Variants in CDKL2 observed in about 807,000 individuals in gnomAD.
The protein encoded by CDKL2 is cyclin dependent kinase like 2.
CDKL2 carries 64 observed loss-of-function variants against 63.9 expected under a neutral mutation model. The observed-to-expected ratio is 1.00, with a 90% CI of 0.82 to 1.23. CDKL2 has a LOEUF of 1.23. Ranked by LOEUF, CDKL2 falls within the 50% of genes most tolerant of loss-of-function variation. The probability of loss-of-function intolerance (pLI) is 0.00; values close to 1 mark genes in which losing one functional copy is unlikely to be tolerated. For missense variants in CDKL2, 656 were observed against 668.0 expected (o/e 0.98, Z 0.20); for synonymous variants, 211 against 229.2 (o/e 0.92, Z 0.72).
At chr4:75,583,199 T>TA (rs1234946914) in intron 12 of CDKL2, among the ~76,000 whole-genome samples, 3 of 152,228 alleles carry the variant, frequency 2.0e-5, no homozygotes, top group Non-Finnish European at 4.4e-5. Flanking sequence ...AAACAAAACA[T>TA]ATAACGTATT....
intron 7 of CDKL2, among the ~76,000 whole-genome samples, chr4:75,599,056 T>G (rs1279878322): frequency 6.6e-6 from 1 of 152,238 alleles, no homozygotes; most frequent in Non-Finnish European, 1.5e-5. Flanking sequence ...AATGTAATTT[T>G]TGATGCTGTA....
rs1374987232 is a variant in CDKL2 at position 75,598,187 on chromosome 4, CTT to C, written c.908_909del (p.Lys303SerfsTer12). 7 of 1,499,060 alleles carry C rather than the reference CTT, an allele frequency of 4.7e-6. No individual in the cohort carries two copies. The highest frequency in any genetic ancestry group is 6.4e-6 in the Non-Finnish European group (7 of 1,099,898). 92.9% of individuals were successfully genotyped at this position (1,499,060 alleles called of 1,614,324 possible). On this transcript the variant is annotated frameshift_variant, in exon 8 of 14. Coordinates refer to ENST00000307465, the MANE Select transcript of CDKL2 (RefSeq NM_001330724.2). LOFTEE classifies it high-confidence loss of function. ...AERFSQELQLKVQKDARNVSL... is the reference protein window; with the variant it reads ...AERFSQELQLXVQKDARNVSL... Reference sequence around the variant, plus strand: ...GAAACATTTCTGGCATCTTTCTGTACTTTTAACTGTAGTTCTTGGGAAAACCT... The same window carrying C: ...GAAACATTTCTGGCATCTTTCTGTACTTAACTGTAGTTCTTGGGAAAACCT...
At chr4:75,623,018 G>A (rs988735791) in intron 2 of CDKL2, among the ~76,000 whole-genome samples, 3 of 152,152 alleles carry the variant, frequency 2.0e-5, no homozygotes, top group Non-Finnish European at 2.9e-5. Context: ...GCTCACACCT[G>A]TAATCCCAGC....
chr4:75,610,528 T>C (rs1729644289), intron 3 of CDKL2, among the ~76,000 whole-genome samples: 2 of 152,110 alleles, frequency 1.3e-5, no homozygotes, highest in Admixed American at 6.6e-5. Context: ...ATACTAGATA[T>C]AACCTAAATA....
At chr4:75,596,127 A>G in intron 10 of CDKL2, 120 bp downstream of exon 10, 1 of 615,626 alleles carries the variant, frequency 1.6e-6, no homozygotes, top group Non-Finnish European at 2.9e-6. Flanking sequence ...TGCACAATTA[A>G]GGTTTCACTT....
At chr4:75,591,228 A>T (rs532515477) in intron 12 of CDKL2, among the ~76,000 whole-genome samples, 74 of 152,082 alleles carry the variant, frequency 4.9e-4, no homozygotes, top group African/African-American at 1.7e-3. Context: ...TACGAAATAT[A>T]AAAAAAACCC....
chr4:75,595,048 T>C (rs1728856933), intron 10 of CDKL2, among the ~76,000 whole-genome samples: 1 of 152,122 alleles, frequency 6.6e-6, no homozygotes, highest in Admixed American at 6.6e-5. Flanking sequence ...CTTCCTGTGC[T>C]CTGTCTAAAT....
intron 5 of CDKL2, 125 bp downstream of exon 5, chr4:75,605,397 C>T: frequency 4.9e-6 from 3 of 610,254 alleles, no homozygotes; most frequent in South Asian, 2.0e-5. Context: ...TTCCTATATG[C>T]TCCCTACCTT....
In CDKL2 at chr4:75,630,118, G is replaced by T. The variant is rs1730614550; in HGVS notation, c.-106C>A. ...ACAAATTTGAGGTGAAATGCATATG[G>T]TTCGCAGGTCCAAAAGATGCTGCCT... On this transcript the variant is annotated 5_prime_UTR_variant, in exon 1 of 14. Transcript: ENST00000307465. 6.6e-6 allele frequency: 1 copy of T among 152,636 alleles called. No homozygotes were observed. 9.5% of individuals were successfully genotyped at this position (152,636 alleles called of 1,614,324 possible).
At chr4:75,579,649 C>T (rs1266679829) in intron 13 of CDKL2, among the ~76,000 whole-genome samples, 1 of 152,150 alleles carries the variant, frequency 6.6e-6, no homozygotes, top group African/African-American at 2.4e-5. Context: ...GCACTCCAGC[C>T]TGGGCAACAA....
intron 10 of CDKL2, among the ~76,000 whole-genome samples, chr4:75,592,599 G>T (rs959490376): frequency 6.6e-6 from 1 of 152,200 alleles, no homozygotes; most frequent in Non-Finnish European, 1.5e-5. Flanking sequence ...GGCCAGCAAG[G>T]TCGGGCCTTA....
intron 12 of CDKL2, among the ~76,000 whole-genome samples, chr4:75,584,814 T>A (rs1050669920): frequency 1.3e-5 from 2 of 152,172 alleles, no homozygotes; most frequent in Non-Finnish European, 2.9e-5. Flanking sequence ...TTCAAAATGG[T>A]GTGCAATTTA....
rs555382027 is a variant in CDKL2 at position 75,604,124 on chromosome 4, G to C, written c.656-168C>G. On this transcript the variant is annotated intron_variant, in intron 5 of 13. Transcript: ENST00000307465. ...CAATGCCGTTACTGTGGTGGTATAT[G>C]GCAGTCTTAAGGAGCATAGGAAAAG... 3.9e-5 allele frequency among the ~76,000 whole-genome samples: 6 copies of C among 152,306 alleles called. No individual in the cohort carries two copies. In the South Asian group the frequency reaches 1.2e-3, roughly 32 times the overall value.
intron 4 of CDKL2, among the ~76,000 whole-genome samples, chr4:75,606,614 G>A (rs966505476): frequency 3.9e-5 from 6 of 152,172 alleles, no homozygotes; most frequent in Non-Finnish European, 8.8e-5. Context: ...AAATGCTTAA[G>A]GTTATTGCTG....
chr4:75,616,319 G>T (rs1729923763), intron 2 of CDKL2, among the ~76,000 whole-genome samples: 2 of 150,670 alleles, frequency 1.3e-5, no homozygotes, highest in Non-Finnish European at 3.0e-5. Context: ...ATTAAAAAAT[G>T]AAAAAAGATT....
chr4:75,606,460 G>T (rs527679350), intron 4 of CDKL2, among the ~76,000 whole-genome samples: 6 of 152,228 alleles, frequency 3.9e-5, no homozygotes, highest in African/African-American at 9.6e-5. Context: ...TGATCCTCCC[G>T]CCTGGGCCTC....
At chr4:75,628,064 A>T (rs13134156) in intron 1 of CDKL2, among the ~76,000 whole-genome samples, 35,473 of 151,346 alleles carry the variant, frequency 0.23, 4,517 homozygotes, top group Middle Eastern at 0.36. Flanking sequence ...AAGTATTTCA[A>T]AAACCCTGTT....
chr4:75,588,168 C>T (rs1465162310), intron 12 of CDKL2, among the ~76,000 whole-genome samples: 2 of 150,266 alleles, frequency 1.3e-5, no homozygotes, highest in Admixed American at 6.6e-5. Context: ...GAGCCGAGAT[C>T]GCACCATTGC....
intron 3 of CDKL2, among the ~76,000 whole-genome samples, chr4:75,612,018 T>C (rs1034358739): frequency 1.3e-5 from 2 of 152,158 alleles, no homozygotes; most frequent in Non-Finnish European, 2.9e-5. Flanking sequence ...TTGCCCAGGC[T>C]GGAGGGCAGT....
Sources: allele counts gnomAD v4.1 joint callset (sites outside exome capture counted in the v4.1 genomes callset), GRCh38; gene constraint gnomAD v4.1.1; transcripts MANE v1.5; gene names NCBI Gene and HGNC (gene_info 2026-07-23, HGNC 2026-07-21).